Variants in MPDZ observed in about 807,000 individuals in gnomAD.
The protein encoded by MPDZ is multiple PDZ domain crumbs cell polarity complex component.
MPDZ carries 234 observed loss-of-function variants against 239.1 expected under a neutral mutation model. The observed-to-expected ratio is 0.98, with a 90% CI of 0.88 to 1.09. The LOEUF (loss-of-function observed/expected upper bound fraction) is 1.09. Among genes scored for constraint, MPDZ ranks in the 50% least tolerant of loss-of-function variants. MPDZ has a pLI of 0.00. For missense variants in MPDZ, 3,175 were observed against 2,510.0 expected, an observed-to-expected ratio of 1.26 and a Z score of -5.66; for synonymous variants, 1,048 against 881.3, an observed-to-expected ratio of 1.19 and a Z score of -3.35.
Position 13,192,222 on chromosome 9 carries a change from A to C in MPDZ, c.1877T>G (p.Val626Gly), listed in dbSNP as rs1256522461. 3 of 1,609,408 alleles carry C rather than the reference A, an allele frequency of 1.9e-6. No homozygotes were observed. Among genetic ancestry groups the C allele is most frequent in the Non-Finnish European group, 2.5e-6 (3 of 1,177,590 alleles). ...AGTTCGACGACAGCACACCATTGTC[A>C]CTTCTATAGGCAGTTCTTTTAAGAT... ...VNILKELPIE[V>G]TMVCCRRTVP... is the part of the protein sequence containing the mutation. The change falls in exon 15 of 47, where the codon GTG (valine) becomes GGG (glycine). Residue 626 changes from valine (V) to glycine (G), a missense_variant. Coordinates refer to ENST00000319217, the MANE Select transcript of MPDZ (RefSeq NM_001378778.1).
chr9:13,150,442 T>G, intron 25 of MPDZ, 69 bp downstream of exon 25: 1 of 1,255,716 alleles, frequency 8.0e-7, no homozygotes, highest in Non-Finnish European at 1.0e-6. Flanking sequence ...ATAATAATAG[T>G]AAAATTAAAA....
At chr9:13,110,129 C>G (rs1332367924) in intron 44 of MPDZ, 65 bp from the exon 45 acceptor site, 10 of 1,122,606 alleles carry the variant, frequency 8.9e-6, no homozygotes, top group Non-Finnish European at 6.4e-6. Context: ...AGTAATTTTT[C>G]TTCAGAAAGA....
chr9:13,223,821 C>T, intron 4 of MPDZ, 111 bp from the exon 5 acceptor site: 1 of 1,182,868 alleles, frequency 8.5e-7, no homozygotes, highest in Non-Finnish European at 1.1e-6. Flanking sequence ...CACTTGAAGC[C>T]AGGAGTTAGG....
chr9:13,264,786 A>G (rs959625059), intron 1 of MPDZ, among the ~76,000 whole-genome samples: 1 of 151,968 alleles, frequency 6.6e-6, no homozygotes, highest in Non-Finnish European at 1.5e-5. Context: ...TGGACAGGGG[A>G]CCCTCCCCTC....
In MPDZ at chr9:13,109,064, G is replaced by C; in HGVS notation, c.5943-5C>G. On this transcript the variant is annotated splice_region_variant and splice_polypyrimidine_tract_variant and intron_variant, in intron 45 of 46. Transcript: ENST00000319217. ...ATAGACTTACATTGAGGAGGTCTAC[G>C]GTGAAGGAAAGGAAAAAGAGGTTTT... The C allele has an allele frequency of 7.1e-7, 1 of 1,400,690 alleles. No individual in the cohort carries two copies. Among genetic ancestry groups the C allele is most frequent in the Non-Finnish European group, 9.3e-7 (1 of 1,073,438 alleles). The allele number at this position is 1,400,690 out of a possible 1,614,324, so 86.8% of individuals were successfully genotyped here.
At chr9:13,179,490 G>A (rs1952982081) in intron 19 of MPDZ, among the ~76,000 whole-genome samples, 1 of 152,148 alleles carries the variant, frequency 6.6e-6, no homozygotes, top group Non-Finnish European at 1.5e-5. Context: ...AGAAAAGAAA[G>A]AGCTAATCAA....
chr9:13,239,273 G>A (rs904505387), intron 3 of MPDZ, among the ~76,000 whole-genome samples: 9 of 152,054 alleles, frequency 5.9e-5, no homozygotes, highest in African/African-American at 2.2e-4. Flanking sequence ...TGTGTAAGAA[G>A]AAAATAAAAC....
chr9:13,125,399 G>A lies in MPDZ; in HGVS notation c.4633-9C>T. The stretch of plus-strand genomic sequence containing the variant: ...TTCAGAAGGCTAATAAACTGGCAGG[G>A]TGTATGTGTGGAAGAGAAACAAAAT... On this transcript the variant is annotated splice_polypyrimidine_tract_variant and intron_variant, in intron 34 of 46. Coordinates refer to ENST00000319217, the MANE Select transcript of MPDZ (RefSeq NM_001378778.1). 2 of 1,611,026 alleles carry A rather than the reference G, an allele frequency of 1.2e-6. No homozygotes were observed. The highest frequency in any genetic ancestry group is 1.7e-6 in the Non-Finnish European group (2 of 1,177,722).
chr9:13,200,551 G>C (rs1956263709), intron 12 of MPDZ, among the ~76,000 whole-genome samples: 1 of 151,888 alleles, frequency 6.6e-6, no homozygotes, highest in Admixed American at 6.6e-5. Context: ...GTAGGTATTT[G>C]TTGTTATAAA....
intron 25 of MPDZ, 31 bp from the exon 26 acceptor site, chr9:13,147,689 A>C (rs1363306741): frequency 1.3e-6 from 2 of 1,539,040 alleles, no homozygotes; most frequent in Non-Finnish European, 1.8e-6. Context: ...TTAACATTTC[A>C]AGAATCTATA....
In MPDZ at chr9:13,168,487, C is replaced by T. The variant is rs1280732951; in HGVS notation, c.3133G>A (p.Asp1045Asn). 2.5e-6 allele frequency: 4 copies of T among 1,613,536 alleles called. No homozygotes were observed. Among genetic ancestry groups the T allele is most frequent in the South Asian group, 1.1e-5 (1 of 91,048 alleles). The part of the protein sequence containing the change: ...SIIHGGAISR[D>N]GRIAIGDCIL... ...CAGTCCCCAATGGCAATCCGGCCAT[C>T]TCGACTAATGGCACCTCCATGAATA... The change falls in exon 22 of 47, where the codon GAT becomes AAT. Residue 1045 changes from aspartate to asparagine, a missense_variant. Transcript: ENST00000319217.
Position 13,188,887 on chromosome 9 carries a change from A to G in MPDZ, c.2261T>C (p.Val754Ala), listed in dbSNP as rs370908468. 5.6e-6 allele frequency: 9 copies of G among 1,613,472 alleles called. No individual in the cohort carries two copies. The African/African-American group carries it at 1.2e-4, about 22-fold the overall frequency. The change falls in exon 17 of 47, where the codon GTA (valine) becomes GCA (alanine). Residue 754 changes from valine to alanine, a missense_variant. Val to Ala is a moderately conservative substitution (Grantham distance 64). Coordinates refer to ENST00000319217, the MANE Select transcript of MPDZ (RefSeq NM_001378778.1). ...RLLPGDRLMF[V>A]NDVNLENSSL... is the part of the protein sequence containing the mutation. ...GCTGTTTTCCAAGTTAACATCGTTT[A>G]CAAACATGAGTCGGTCACCAGGAAG... is the stretch of plus-strand genomic sequence containing the variant.
intron 1 of MPDZ, among the ~76,000 whole-genome samples, chr9:13,268,214 T>G (rs879555677): frequency 6.6e-6 from 1 of 151,684 alleles, no homozygotes; most frequent in Non-Finnish European, 1.5e-5. Flanking sequence ...ATGGTACTTA[T>G]AATACATCCC....
At position 13,253,494 on chromosome 9, in the gene MPDZ, TTAGA is replaced by T. The variant is rs1474635346; in HGVS notation, c.-57-3126_-57-3123del. Among the ~76,000 whole-genome samples, 4 of 152,332 alleles carry T rather than the reference TTAGA, an allele frequency of 2.6e-5. No homozygotes were observed. The East Asian group carries it at 5.8e-4, about 22-fold the overall frequency. ...AACTCATCTGTAATCACAAAATTTTTTAGATAGAGTCCATTCCCTTCAAATTGCA... is the reference window on the plus strand; with the variant it reads ...AACTCATCTGTAATCACAAAATTTTTTAGAGTCCATTCCCTTCAAATTGCA... On this transcript the variant is annotated intron_variant, in intron 1 of 46. Transcript: ENST00000319217.
At chr9:13,249,213 T>C (rs1967228037) in intron 2 of MPDZ, among the ~76,000 whole-genome samples, 1 of 152,016 alleles carries the variant, frequency 6.6e-6, no homozygotes, top group African/African-American at 2.4e-5. Flanking sequence ...AGCATCTTAT[T>C]CTGTTATATG....
Position 13,137,960 on chromosome 9 carries a change from T to C in MPDZ, c.4197A>G (p.Leu1399=), listed in dbSNP as rs756624275. 7 of 1,613,740 alleles carry C rather than the reference T, an allele frequency of 4.3e-6. No homozygotes were observed. In the South Asian group the frequency reaches 7.7e-5, roughly 18 times the overall value. The change falls in exon 29 of 47, where the codon CTA becomes CTG. Residue 1399 remains leucine, a synonymous_variant. Transcript: ENST00000319217. ...AAAATTTTCCACAAAAACTTACCTC[T>C]AGAAGCTCATCTGCAATTTGCAATC... is the stretch of plus-strand genomic sequence containing the variant. ...DGRLQIADEL[L]EINGQILYGR... is the part of the protein sequence containing the mutation.
intron 1 of MPDZ, among the ~76,000 whole-genome samples, chr9:13,259,376 G>A (rs920949695): frequency 1.8e-4 from 28 of 152,210 alleles, no homozygotes; most frequent in African/African-American, 6.3e-4. Flanking sequence ...GGAAGGTCAA[G>A]GGAGTAGAAA....
At chr9:13,226,089 C>G (rs1270865597) in intron 3 of MPDZ, among the ~76,000 whole-genome samples, 1 of 151,952 alleles carries the variant, frequency 6.6e-6, no homozygotes, top group Non-Finnish European at 1.5e-5. Flanking sequence ...ATCCTTATAC[C>G]TTTAACTTTG....
chr9:13,146,160 G>A (rs1587227207), intron 26 of MPDZ, among the ~76,000 whole-genome samples: 1 of 152,032 alleles, frequency 6.6e-6, no homozygotes, highest in East Asian at 1.9e-4. Context: ...ATAAACAACT[G>A]AATGATTAAA....
Sources: allele counts gnomAD v4.1 joint callset (sites outside exome capture counted in the v4.1 genomes callset), GRCh38; gene constraint gnomAD v4.1.1; transcripts MANE v1.5; gene names NCBI Gene and HGNC (gene_info 2026-07-23, HGNC 2026-07-21).